Variants in RALGPS2 observed in about 807,000 individuals in gnomAD.
RALGPS2 encodes Ral GEF with PH domain and SH3 binding motif 2, also known as ras-specific guanine nucleotide-releasing factor RalGPS2.
In RALGPS2, 43 loss-of-function variants were observed where a neutral mutation model predicts 86.8. The ratio of observed to expected loss-of-function variants is 0.50; its 90% CI spans 0.39 to 0.64. The LOEUF (loss-of-function observed/expected upper bound fraction) is 0.64, where lower values mean the gene tolerates loss of function less well. RALGPS2 is among the 30% of genes least tolerant of loss of function. The pLI, the probability that RALGPS2 is intolerant of heterozygous loss-of-function variation, is 0.00. For synonymous variants in RALGPS2, 243 were observed against 231.3 expected, an observed-to-expected ratio of 1.05 and a Z score of -0.46; for missense variants, 536 against 694.6, an observed-to-expected ratio of 0.77 and a Z score of 2.57.
intron 1 of RALGPS2, among the ~76,000 whole-genome samples, chr1:178,766,536 C>G (rs1007871527): frequency 6.6e-6 from 1 of 152,130 alleles, no homozygotes; most frequent in East Asian, 1.9e-4. Flanking sequence ...GTCAGTGTGT[C>G]TTTATAGCAG....
Position 178,916,937 on chromosome 1 carries a change from T to A in RALGPS2, c.*578T>A, listed in dbSNP as rs1190148302. Reference sequence around the variant, plus strand: ...AGCAAGAGTGTAGGAATGAGAAATGTTAGTCATGTGAGTTCTTGGGTTTGT... The same window carrying A: ...AGCAAGAGTGTAGGAATGAGAAATGATAGTCATGTGAGTTCTTGGGTTTGT... On this transcript the variant is annotated 3_prime_UTR_variant, in exon 20 of 20. Coordinates refer to ENST00000367635, the MANE Select transcript of RALGPS2 (RefSeq NM_152663.5). The A allele has an allele frequency of 6.6e-6, 1 of 152,148 alleles. No individual in the cohort carries two copies. Among genetic ancestry groups the A allele is most frequent in the East Asian group, 1.9e-4 (1 of 5,188 alleles). 9.4% of individuals were successfully genotyped at this position (152,148 alleles called of 1,614,324 possible).
chr1:178,773,688 C>T (rs1348791147), intron 1 of RALGPS2, among the ~76,000 whole-genome samples: 1 of 151,182 alleles, frequency 6.6e-6, no homozygotes, highest in Admixed American at 6.6e-5. Context: ...CCCAGCTACT[C>T]AGGAGGCTGA....
At chr1:178,738,461 G>A (rs1305239475) in intron 1 of RALGPS2, among the ~76,000 whole-genome samples, 2 of 151,558 alleles carry the variant, frequency 1.3e-5, no homozygotes, top group African/African-American at 2.4e-5. Context: ...CACCCGCCTT[G>A]GCCTCCCAAA....
At chr1:178,909,684 T>A (rs113876564) in intron 19 of RALGPS2, among the ~76,000 whole-genome samples, 6,705 of 138,640 alleles carry the variant, frequency 0.048, 605 homozygotes, top group African/African-American at 0.18. Context: ...GGAGTCTTGC[T>A]CTGTCTTCAG....
intron 2 of RALGPS2, among the ~76,000 whole-genome samples, chr1:178,780,602 C>T (rs1298899280): frequency 6.6e-6 from 1 of 152,090 alleles, no homozygotes; most frequent in Non-Finnish European, 1.5e-5. Flanking sequence ...CCTACTAATC[C>T]TCTACTTGAA....
chr1:178,815,034 G>A (rs576914551), intron 6 of RALGPS2, among the ~76,000 whole-genome samples: 1 of 151,772 alleles, frequency 6.6e-6, no homozygotes, highest in Admixed American at 6.6e-5. Context: ...TTCTGTTTTG[G>A]TATTGGTCTT....
chr1:178,765,573 A>G (rs1223324842), intron 1 of RALGPS2, among the ~76,000 whole-genome samples: 2 of 152,196 alleles, frequency 1.3e-5, no homozygotes, highest in African/African-American at 4.8e-5. Flanking sequence ...ACGCATTGTC[A>G]TTGATAACAT....
At chr1:178,881,102 A>G (rs1228589603) in intron 10 of RALGPS2, among the ~76,000 whole-genome samples, 2 of 152,188 alleles carry the variant, frequency 1.3e-5, no homozygotes, top group Non-Finnish European at 2.9e-5. Flanking sequence ...TCTTGCCCTC[A>G]AGAAGCTCAG....
intron 1 of RALGPS2, chr1:178,746,781 C>T: frequency 1.1e-6 from 1 of 893,272 alleles, no homozygotes; most frequent in Non-Finnish European, 1.9e-6. Flanking sequence ...GCCTTTCTGT[C>T]CTCTCACATA....
At chr1:178,862,598 TTTA>T (rs1431351955) in intron 8 of RALGPS2, among the ~76,000 whole-genome samples, 5 of 55,434 alleles carry the variant, frequency 9.0e-5, no homozygotes, top group Non-Finnish European at 1.7e-4. Flanking sequence ...ATTTTTTTTA[TTTA>T]TTTATTTATT....
At chr1:178,832,643 A>G (rs1332276289) in intron 7 of RALGPS2, among the ~76,000 whole-genome samples, 1 of 152,138 alleles carries the variant, frequency 6.6e-6, no homozygotes, top group African/African-American at 2.4e-5. Context: ...TTAATATGAA[A>G]TAAAGTGAAA....
intron 8 of RALGPS2, among the ~76,000 whole-genome samples, chr1:178,874,747 A>G (rs975262104): frequency 1.3e-5 from 2 of 152,122 alleles, no homozygotes; most frequent in Middle Eastern, 3.2e-3. Context: ...GTCTTTCACA[A>G]ATGTTTATTA....
intron 8 of RALGPS2, among the ~76,000 whole-genome samples, chr1:178,838,070 C>A (rs1572384669): frequency 6.6e-6 from 1 of 152,226 alleles, no homozygotes; most frequent in East Asian, 1.9e-4. Context: ...CTCAAGGAGG[C>A]CTACCTGCCT....
rs551180806 is a variant in RALGPS2, at chr1:178,906,813, T to C, written c.1668T>C (p.Asn556=). Residue 556 remains asparagine, a synonymous_variant, in exon 19 of 20, where the codon AAT becomes AAC. Coordinates refer to ENST00000367635, the MANE Select transcript of RALGPS2 (RefSeq NM_152663.5). ...SYKFQAGNRM[N]AMLWFKHLSA... Reference sequence around the variant, plus strand: ...AGTTTCAAGCTGGCAATAGAATGAATGCAATGTTATGGTTTAAGCATTTGA... The same window carrying C: ...AGTTTCAAGCTGGCAATAGAATGAACGCAATGTTATGGTTTAAGCATTTGA... 38 of 1,610,052 alleles carry C rather than the reference T, an allele frequency of 2.4e-5. No homozygotes were observed. The African/African-American group carries it at 4.4e-4, about 19-fold the overall frequency.
At chr1:178,733,475 A>G (rs907725274) in intron 1 of RALGPS2, among the ~76,000 whole-genome samples, 1 of 152,258 alleles carries the variant, frequency 6.6e-6, no homozygotes, top group African/African-American at 2.4e-5. Context: ...GTACTGATAC[A>G]TAATTTTTAG....
At chr1:178,865,171 C>G in intron 8 of RALGPS2, 1 of 1,610,756 alleles carries the variant, frequency 6.2e-7, no homozygotes, top group African/African-American at 1.3e-5. Context: ...GGGAAAATAT[C>G]CTCAAGCACT....
chr1:178,759,840 G>C (rs1434838727), intron 1 of RALGPS2, among the ~76,000 whole-genome samples: 1 of 150,650 alleles, frequency 6.6e-6, no homozygotes, highest in Non-Finnish European at 1.5e-5. Flanking sequence ...AATTTTTTTT[G>C]TGGTTCTTGT....
chr1:178,833,559 T>C lies in RALGPS2; in HGVS notation c.607+9T>C, dbSNP rs751284216. 2.0e-5 allele frequency: 30 copies of C among 1,523,672 alleles called. No homozygotes were observed. In the East Asian group the frequency reaches 7.9e-4, roughly 40 times the overall value. The allele number at this position is 1,523,672 out of a possible 1,614,324, so 94.4% of individuals were successfully genotyped here. On this transcript the variant is annotated intron_variant, in intron 8 of 19. Coordinates refer to ENST00000367635, the MANE Select transcript of RALGPS2 (RefSeq NM_152663.5). ...TTGCATTCCCTATTTAGGTGAGTTA[T>C]GTCACTGTGTGTTTTTTGTTTCTAG...
At chr1:178,884,898 GA>G (rs1189713549) in intron 11 of RALGPS2, among the ~76,000 whole-genome samples, 177 bp from the exon 12 acceptor site, 1 of 152,074 alleles carries the variant, frequency 6.6e-6, no homozygotes, top group African/African-American at 2.4e-5. Flanking sequence ...AAAATTAATG[GA>G]TTTTGTATGG....
Sources: allele counts gnomAD v4.1 joint callset (sites outside exome capture counted in the v4.1 genomes callset), GRCh38; gene constraint gnomAD v4.1.1; transcripts MANE v1.5; gene names NCBI Gene and HGNC (gene_info 2026-07-23, HGNC 2026-07-21).